The following OPRD1 variants were observed in gnomAD, a reference collection of about 807,000 sequenced individuals.
The protein encoded by OPRD1 is delta-type opioid receptor.
In OPRD1, 19 loss-of-function variants were observed where a neutral mutation model predicts 17.5. That is an observed-to-expected ratio of 1.09 (90% confidence interval 0.76 to 1.60). The LOEUF is 1.60. OPRD1 is among the 40% of genes most tolerant of loss of function. The probability of loss-of-function intolerance (pLI) is 0.00; values close to 1 mark genes in which losing one functional copy is unlikely to be tolerated. For synonymous variants in OPRD1, 256 were observed against 240.9 expected, an observed-to-expected ratio of 1.06 and a Z score of -0.58; for missense variants, 483 against 547.2, an observed-to-expected ratio of 0.88 and a Z score of 1.17.
rs1481170255 is a variant in OPRD1, at chr1:28,864,606, G to A, written c.*1323G>A. On this transcript the variant is annotated 3_prime_UTR_variant, in exon 3 of 3. Transcript: ENST00000234961. ...TGGTGGGTGGGTGGAGGAAGAGGTGGGCTCCTGCTTCAAGGTTAGGTCTTC... is the reference window on the plus strand; with the variant it reads ...TGGTGGGTGGGTGGAGGAAGAGGTGAGCTCCTGCTTCAAGGTTAGGTCTTC... The A allele has an allele frequency of 2.0e-5, 3 of 152,148 alleles. No homozygotes were observed. Among genetic ancestry groups the A allele is most frequent in the Non-Finnish European group, 4.4e-5 (3 of 68,078 alleles). The allele number at this position is 152,148 out of a possible 1,614,324, so 9.4% of individuals were successfully genotyped here.
intron 2 of OPRD1, among the ~76,000 whole-genome samples, chr1:28,862,144 C>G (rs1372458196): frequency 6.6e-6 from 1 of 151,380 alleles, no homozygotes. Flanking sequence ...GTCTCGATTT[C>G]CTGACCTCAT....
At chr1:28,820,454 C>A (rs1369894197) in intron 1 of OPRD1, among the ~76,000 whole-genome samples, 2 of 151,896 alleles carry the variant, frequency 1.3e-5, no homozygotes, top group Non-Finnish European at 2.9e-5. Flanking sequence ...CTCAGCCTCC[C>A]AAAGTGCTGG....
chr1:28,828,544 G>C (rs2088784876), intron 1 of OPRD1, among the ~76,000 whole-genome samples: 1 of 152,066 alleles, frequency 6.6e-6, no homozygotes, highest in Non-Finnish European at 1.5e-5. Flanking sequence ...CAGCCTGGCT[G>C]GGTGCGGTGG....
At chr1:28,861,034 A>C (rs1569657499) in intron 2 of OPRD1, among the ~76,000 whole-genome samples, 1 of 152,080 alleles carries the variant, frequency 6.6e-6, no homozygotes, top group Non-Finnish European at 1.5e-5. Context: ...AGTGTGTGCC[A>C]TCAGCACTTA....
intron 1 of OPRD1, among the ~76,000 whole-genome samples, chr1:28,832,242 T>G (rs779083701): frequency 1.3e-5 from 2 of 152,080 alleles, no homozygotes; most frequent in African/African-American, 2.4e-5. Flanking sequence ...TAAAATAATT[T>G]AAAAAATAAT....
intron 1 of OPRD1, among the ~76,000 whole-genome samples, chr1:28,845,498 G>T (rs2088932216): frequency 6.8e-6 from 1 of 148,094 alleles, no homozygotes. Flanking sequence ...AAAAAAAATT[G>T]ATATAGTCCA....
intron 1 of OPRD1, among the ~76,000 whole-genome samples, chr1:28,815,967 T>C (rs1337523534): frequency 6.6e-6 from 1 of 152,144 alleles, no homozygotes; most frequent in African/African-American, 2.4e-5. Flanking sequence ...TGACGAGCTG[T>C]CTGAAGCTCT....
chr1:28,824,636 G>A (rs1369531105), intron 1 of OPRD1, among the ~76,000 whole-genome samples: 2 of 151,880 alleles, frequency 1.3e-5, no homozygotes, highest in African/African-American at 4.8e-5. Flanking sequence ...TTTTTCTTGA[G>A]TACCTATTTT....
At chr1:28,854,554 G>A (rs2089037391) in intron 1 of OPRD1, among the ~76,000 whole-genome samples, 1 of 152,016 alleles carries the variant, frequency 6.6e-6, no homozygotes, top group Non-Finnish European at 1.5e-5. Flanking sequence ...GCCAACTTAC[G>A]TGGGTGATGA....
chr1:28,864,841 A>C lies in OPRD1; in HGVS notation c.*1558A>C, dbSNP rs2089162070. 6.6e-6 allele frequency: 1 copy of C among 152,228 alleles called. No homozygotes were observed. Among genetic ancestry groups the C allele is most frequent in the East Asian group, 1.9e-4 (1 of 5,176 alleles). 9.4% of individuals were successfully genotyped at this position (152,228 alleles called of 1,614,324 possible). Reference sequence around the variant, plus strand: ...AAGAACCTGGATGAAATCCTCTTCCATTCTCCCAACATCTGGCTGCATCCA... The same window carrying C: ...AAGAACCTGGATGAAATCCTCTTCCCTTCTCCCAACATCTGGCTGCATCCA... On this transcript the variant is annotated 3_prime_UTR_variant, in exon 3 of 3. Coordinates refer to ENST00000234961, the MANE Select transcript of OPRD1 (RefSeq NM_000911.4).
At chr1:28,839,464 A>T (rs1157446574) in intron 1 of OPRD1, among the ~76,000 whole-genome samples, 1 of 152,212 alleles carries the variant, frequency 6.6e-6, no homozygotes, top group Admixed American at 6.5e-5. Context: ...CTCGAACAGC[A>T]TTTGGGAATA....
intron 1 of OPRD1, among the ~76,000 whole-genome samples, chr1:28,848,645 C>T (rs2088973506): frequency 1.3e-5 from 2 of 152,152 alleles, no homozygotes; most frequent in Non-Finnish European, 2.9e-5. Flanking sequence ...TGAGCAAACC[C>T]CAGTTTATAG....
At chr1:28,853,257 G>T (rs1414236771) in intron 1 of OPRD1, among the ~76,000 whole-genome samples, 1 of 152,224 alleles carries the variant, frequency 6.6e-6, no homozygotes, top group African/African-American at 2.4e-5. Flanking sequence ...AGCTTCAGGT[G>T]GAAGTGATGT....
At chr1:28,830,570 C>G (rs919382817) in intron 1 of OPRD1, among the ~76,000 whole-genome samples, 1 of 151,864 alleles carries the variant, frequency 6.6e-6, no homozygotes, top group African/African-American at 2.4e-5. Context: ...TCACAGATAA[C>G]CATAAGAGAT....
chr1:28,863,330 C>T lies in OPRD1; in HGVS notation c.*47C>T, dbSNP rs1291169260. On this transcript the variant is annotated 3_prime_UTR_variant, in exon 3 of 3. Transcript: ENST00000234961. ...GCGCCCCTCCCTAGTGACCCGGAGG[C>T]CACATGAGTCCCAGTGGGAGGCGCG... 7.1e-7 allele frequency: 1 copy of T among 1,400,134 alleles called. No homozygotes were observed. Among genetic ancestry groups the T allele is most frequent in the Non-Finnish European group, 9.2e-7 (1 of 1,086,150 alleles). The allele number at this position is 1,400,134 out of a possible 1,614,324, so 86.7% of individuals were successfully genotyped here.
chr1:28,845,309 C>T (rs1213684804), intron 1 of OPRD1, among the ~76,000 whole-genome samples: 1 of 151,520 alleles, frequency 6.6e-6, no homozygotes, highest in Admixed American at 6.6e-5. Flanking sequence ...CATAGTGAAA[C>T]CCTGTCTCTA....
At chr1:28,846,821 T>TTTTCTTTCTTTCTTTCTTTCTTTCTTTC (rs1196638603) in intron 1 of OPRD1, among the ~76,000 whole-genome samples, 6 of 103,660 alleles carry the variant, frequency 5.8e-5, no homozygotes, top group African/African-American at 2.0e-4. Flanking sequence ...GCTGTTTGCA[T>TTTTCTTTCTTTCTTTCTTTCTTTCTTTC]TTTCTTTCTT....
chr1:28,839,166 A>G (rs1569627547), intron 1 of OPRD1, among the ~76,000 whole-genome samples: 1 of 152,316 alleles, frequency 6.6e-6, no homozygotes, highest in South Asian at 2.1e-4. Context: ...TCCAAAATCA[A>G]GGTGACAGCA....
intron 1 of OPRD1, among the ~76,000 whole-genome samples, chr1:28,816,132 A>C (rs956993212): frequency 6.6e-6 from 1 of 152,198 alleles, no homozygotes; most frequent in Non-Finnish European, 1.5e-5. Flanking sequence ...ATTCTACAAC[A>C]TTCTACATGC....
Sources: allele counts gnomAD v4.1 joint callset (sites outside exome capture counted in the v4.1 genomes callset), GRCh38; gene constraint gnomAD v4.1.1; transcripts MANE v1.5; gene names NCBI Gene and HGNC (gene_info 2026-07-23, HGNC 2026-07-21).